The following LRGUK variants were observed in gnomAD, a reference collection of about 807,000 sequenced individuals.
LRGUK encodes the protein leucine rich repeats and guanylate kinase domain containing.
Under a neutral mutation model 76.0 loss-of-function variants are expected in LRGUK, and 65 were observed. That is an observed-to-expected ratio of 0.85 (90% confidence interval 0.70 to 1.05). LRGUK has a LOEUF of 1.05. LRGUK is among the 50% of genes least tolerant of loss of function. The pLI is 0.00. For missense variants in LRGUK, 758 were observed against 732.8 expected, an observed-to-expected ratio of 1.03 and a Z score of -0.40; for synonymous variants, 268 against 265.6, an observed-to-expected ratio of 1.01 and a Z score of -0.09.
At chr7:134,133,113 G>A (rs1404979922) in intron 1 of LRGUK, among the ~76,000 whole-genome samples, 3 of 152,150 alleles carry the variant, frequency 2.0e-5, no homozygotes, top group Non-Finnish European at 4.4e-5. Flanking sequence ...GGGCAGATGA[G>A]GTGCATTCAT....
At chr7:134,127,742 C>T in intron 1 of LRGUK, 78 bp downstream of exon 1, 3 of 1,467,062 alleles carry the variant, frequency 2.0e-6, no homozygotes, top group South Asian at 2.8e-5. Context: ...CCCCGATGCA[C>T]CCCCACCAGC....
At chr7:134,173,343 T>C (rs1585489629) in intron 7 of LRGUK, among the ~76,000 whole-genome samples, 1 of 152,310 alleles carries the variant, frequency 6.6e-6, no homozygotes. Flanking sequence ...ATTTTAGCTG[T>C]GTATTGTGGT....
chr7:134,233,642 G>C (rs986947504), intron 16 of LRGUK, among the ~76,000 whole-genome samples: 4 of 152,194 alleles, frequency 2.6e-5, no homozygotes, highest in African/African-American at 9.6e-5. Flanking sequence ...CACAGCTTAG[G>C]AATGTCTATT....
Position 134,184,602 on chromosome 7 carries a change from A to G in LRGUK, c.1334+749A>G, listed in dbSNP as rs554730893. The stretch of plus-strand genomic sequence containing the variant: ...ATAATTTTTCTTTTGTCAAGCAGAC[A>G]GTAAACATACAGCAATGACTCCCCT... On this transcript the variant is annotated intron_variant, in intron 11 of 15. Coordinates refer to ENST00000645682, the Ensembl canonical transcript of LRGUK. 1.4e-4 allele frequency among the ~76,000 whole-genome samples: 22 copies of G among 152,282 alleles called. 1 individual carries two copies. In the East Asian group the frequency reaches 4.1e-3, roughly 28 times the overall value.
intron 18 of LRGUK, among the ~76,000 whole-genome samples, chr7:134,249,823 G>C (rs1802400430): frequency 6.6e-6 from 1 of 152,130 alleles, no homozygotes; most frequent in Non-Finnish European, 1.5e-5. Context: ...TCCTTCAGTT[G>C]CTCCTGTCAC....
chr7:134,253,497 C>A lies in LRGUK; in HGVS notation c.2198+4421C>A, dbSNP rs190074271. Among the ~76,000 whole-genome samples, 7 of 152,286 alleles carry A rather than the reference C, an allele frequency of 4.6e-5. No homozygotes were observed. In the East Asian group the frequency reaches 1.3e-3, roughly 29 times the overall value. On this transcript the variant is annotated intron_variant, in intron 18 of 19. Transcript: ENST00000285928. ...GTTCTTCCGTATCATAGCAGAAATCCTATCTATTAAAAGATATGTTTAAAA... is the reference window on the plus strand; with the variant it reads ...GTTCTTCCGTATCATAGCAGAAATCATATCTATTAAAAGATATGTTTAAAA...
chr7:134,144,492 C>T (rs896832383), intron 4 of LRGUK, among the ~76,000 whole-genome samples: 2 of 152,136 alleles, frequency 1.3e-5, no homozygotes, highest in Non-Finnish European at 2.9e-5. Flanking sequence ...AATCTGGAAA[C>T]GATCACCCTG....
In LRGUK at chr7:134,226,218, ATGTGTGTG is replaced by A. The variant is rs57035440; in HGVS notation, c.1983+4336_1983+4343del. On this transcript the variant is annotated intron_variant, in intron 16 of 19. Coordinates refer to the LRGUK transcript ENST00000285928. ...GACAAGGTAGAAATTCCCATCTCCA[ATGTGTGTG>A]TGTGTGTGTGTGTGTGTGTGTGTGT... 2.5e-3 allele frequency among the ~76,000 whole-genome samples: 351 copies of A among 141,792 alleles called. 1 individual carries two copies. The highest frequency in any genetic ancestry group is 2.5e-3 in the African/African-American group (88 of 35,392). The allele number at this position is 141,792 out of a possible 152,430, so 93.0% of individuals were successfully genotyped here.
chr7:134,158,050 A>G, exon 6 of LRGUK: 1 of 1,612,510 alleles, frequency 6.2e-7, no homozygotes, highest in Non-Finnish European at 8.5e-7. Context: ...GAGATAGAAG[A>G]AATCAGTGGA....
chr7:134,171,863 G>C (rs770624958), intron 7 of LRGUK, among the ~76,000 whole-genome samples: 2 of 152,078 alleles, frequency 1.3e-5, no homozygotes, highest in Non-Finnish European at 2.9e-5. Flanking sequence ...TGGAGTCCTC[G>C]GGGTAGGTTG....
chr7:134,249,876 A>G (rs954392528), intron 18 of LRGUK, among the ~76,000 whole-genome samples: 7 of 152,142 alleles, frequency 4.6e-5, no homozygotes, highest in African/African-American at 1.7e-4. Flanking sequence ...ACAAATTTAC[A>G]CAAAGATCTG....
chr7:134,249,417 C>T lies in LRGUK; in HGVS notation c.2198+341C>T, dbSNP rs1249309489. Among the ~76,000 whole-genome samples, 9 of 152,280 alleles carry T rather than the reference C, an allele frequency of 5.9e-5. No individual in the cohort carries two copies. The South Asian group carries it at 1.9e-3, about 32-fold the overall frequency. On this transcript the variant is annotated intron_variant, in intron 18 of 19. Transcript: ENST00000285928. ...TTGTGGTAAGGCAGGCAATGATGTT[C>T]TGCTAATCTCTTCCTGTACTGTGAT...
intron 6 of LRGUK, among the ~76,000 whole-genome samples, chr7:134,158,752 A>G (rs17167527): frequency 0.13 from 19,727 of 152,148 alleles, 1,608 homozygotes; most frequent in East Asian, 0.32. Flanking sequence ...CTGCTGTGTG[A>G]CTATGACTCA....
intron 1 of LRGUK, among the ~76,000 whole-genome samples, chr7:134,130,751 C>T (rs1397678233): frequency 2.0e-5 from 3 of 152,160 alleles, no homozygotes; most frequent in African/African-American, 7.2e-5. Flanking sequence ...ACCTCGGAAG[C>T]CCTTATGAAG....
chr7:134,213,091 G>C (rs555976260), downstream of LRGUK, among the ~76,000 whole-genome samples: 4 of 152,154 alleles, frequency 2.6e-5, no homozygotes, highest in African/African-American at 9.7e-5. Flanking sequence ...AACCACGTAC[G>C]CCTAAGCAGA....
chr7:134,249,407 C>T (rs115568544), intron 18 of LRGUK, among the ~76,000 whole-genome samples: 232 of 152,272 alleles, frequency 1.5e-3, no homozygotes, highest in African/African-American at 5.4e-3. Context: ...GTAAGGCAGG[C>T]AATGATGTTC....
intron 5 of LRGUK, among the ~76,000 whole-genome samples, chr7:134,157,037 A>G (rs962343795): frequency 1.3e-5 from 2 of 152,214 alleles, no homozygotes; most frequent in Admixed American, 1.3e-4. Flanking sequence ...GAGAACAGAG[A>G]GAGCTGAACA....
chr7:134,267,874 T>C (rs530685343), downstream of LRGUK, among the ~76,000 whole-genome samples: 6 of 152,128 alleles, frequency 3.9e-5, no homozygotes, highest in South Asian at 1.0e-3. Context: ...CTCAGCATCA[T>C]GCAATATGCC....
At chr7:134,185,778 C>T (rs1175430845) in intron 11 of LRGUK, among the ~76,000 whole-genome samples, 1 of 152,112 alleles carries the variant, frequency 6.6e-6, no homozygotes, top group Non-Finnish European at 1.5e-5. Flanking sequence ...CATGTTCAAA[C>T]AATGTAAACA....
Sources: allele counts gnomAD v4.1 joint callset (sites outside exome capture counted in the v4.1 genomes callset), GRCh38; gene constraint gnomAD v4.1.1; transcripts MANE v1.5; gene names NCBI Gene and HGNC (gene_info 2026-07-23, HGNC 2026-07-21).